The following ATAD2 variants were observed in gnomAD, a reference collection of about 807,000 sequenced individuals.
ATAD2 encodes the protein ATPase family AAA domain containing 2, also known as ATPase family AAA domain-containing protein 2.
Under a neutral mutation model 168.9 loss-of-function variants are expected in ATAD2, and 62 were observed. The observed-to-expected ratio is 0.37, with a 90% CI of 0.30 to 0.45. The LOEUF is 0.45. ATAD2 is among the 20% of genes least tolerant of loss of function. ATAD2 has a pLI of 1.00. For synonymous variants in ATAD2, 613 were observed against 571.6 expected, an observed-to-expected ratio of 1.07 and a Z score of -1.03; for missense variants, 1,419 against 1,667.8, an observed-to-expected ratio of 0.85 and a Z score of 2.60.
At chr8:123,410,280 ATTATTTATTTAT>A (rs544452071) in intron 1 of ATAD2, among the ~76,000 whole-genome samples, 2 of 151,642 alleles carry the variant, frequency 1.3e-5, no homozygotes, top group Admixed American at 1.3e-4. Flanking sequence ...GTAGGATCAT[ATTATTTATTTAT>A]TTATTTATTT....
rs1828236558 is a variant in ATAD2 at position 123,346,196 on chromosome 8, G to A, written c.2422C>T (p.His808Tyr). Residue 808 changes from histidine to tyrosine, a missense_variant, in exon 18 of 28, where the codon CAC becomes TAC. His to Tyr is a moderately conservative substitution (Grantham distance 83). This residue lies in a region of ATAD2 where 545 missense variants were observed against 724.9 expected (regional missense o/e 0.75). Transcript: ENST00000287394. Reference sequence around the variant, plus strand: ...GCATGAATGACAGCTGGTGCCAAGTGAGAACCTTGCCCAAATCCTGGTTCT... The same window carrying A: ...GCATGAATGACAGCTGGTGCCAAGTAAGAACCTTGCCCAAATCCTGGTTCT... ...VGEPGFGQGS[H>Y]LAPAVIHALE... 3 of 1,613,288 alleles carry A rather than the reference G, an allele frequency of 1.9e-6. No individual in the cohort carries two copies. The highest frequency in any genetic ancestry group is 2.5e-6 in the Non-Finnish European group (3 of 1,179,676).
At chr8:123,400,801 G>A (rs1812985897), upstream of ATAD2, 2 of 941,142 alleles carry the variant, frequency 2.1e-6, no homozygotes, top group Non-Finnish European at 3.5e-6. The surrounding 1 kb of genome is among the most constrained non-coding windows in gnomAD (Gnocchi z 4.5). Context: ...TGTGACAGAG[G>A]GCAACATGGC....
intron 1 of ATAD2, among the ~76,000 whole-genome samples, chr8:123,406,933 A>ATT (rs1813076115): frequency 6.6e-5 from 10 of 152,110 alleles, no homozygotes; most frequent in Admixed American, 6.6e-4. Context: ...TCTGATTTGG[A>ATT]AATAGGATCT....
Position 123,401,947 on chromosome 8 carries a change from A to G in ATAD2, c.-2281-772T>C, listed in dbSNP as rs1166565924. On this transcript the variant is annotated intron_variant, in intron 1 of 28. Transcript: ENST00000521903. ...TTCAGAAGTTTGTGCCCTACCTCAT[A>G]GTGGGCATCCAGCATGGCTGCCAGG... The G allele has an allele frequency of 3.5e-5, 29 of 830,446 alleles. No individual in the cohort carries two copies. The Admixed American group carries it at 3.6e-4, about 10-fold the overall frequency. 51.4% of individuals were successfully genotyped at this position (830,446 alleles called of 1,614,324 possible). A position where few individuals can be genotyped will look rare whatever the true frequency, so the allele number is the denominator to read the frequency against.
rs528861654 is a variant in ATAD2 at position 123,359,632 on chromosome 8, C to T, written c.1211G>A (p.Arg404Gln). The T allele has an allele frequency of 2.2e-5, 36 of 1,613,084 alleles. No individual in the cohort carries two copies. The highest frequency in any genetic ancestry group is 1.7e-4 in the Middle Eastern group (1 of 6,058). The change falls in exon 10 of 28, where the codon CGA (arginine) becomes CAA (glutamine). Residue 404 changes from arginine (R) to glutamine (Q), a missense_variant. Arg to Gln is a conservative substitution (Grantham distance 43, BLOSUM62 1). Transcript: ENST00000287394. ...KDELKGIYKDRMKIGASLADV... is the reference protein window; with the variant it reads ...KDELKGIYKDQMKIGASLADV... ...GGCAAGGCTTGCTCCAATTTTCATT[C>T]GATCTTTATAAATGCCTTTTAATTC...
At chr8:123,393,311 G>A (rs147824395) in intron 1 of ATAD2, among the ~76,000 whole-genome samples, 3,513 of 152,060 alleles carry the variant, frequency 0.023, 143 homozygotes, top group African/African-American at 0.081. Context: ...AGGAGTTCGA[G>A]ACCAGCCTGA....
intron 8 of ATAD2, among the ~76,000 whole-genome samples, chr8:123,365,342 C>T (rs184733149): frequency 5.3e-5 from 8 of 152,144 alleles, no homozygotes; most frequent in East Asian, 3.9e-4. Context: ...ATTGTGGAAA[C>T]GACCATATTG....
Position 123,339,449 on chromosome 8 carries a change from T to TA in ATAD2, c.2719-4dup. On this transcript the variant is annotated splice_polypyrimidine_tract_variant and splice_region_variant and intron_variant, in intron 19 of 27. Coordinates refer to ENST00000287394, the MANE Select transcript of ATAD2 (RefSeq NM_014109.4). ...TCACGGATAAACAATTCTTGCACCTTAAAAAAGAAAATAAATGCAATATAT... is the reference window on the plus strand; with the variant it reads ...TCACGGATAAACAATTCTTGCACCTTAAAAAAAGAAAATAAATGCAATATAT... 6.4e-7 allele frequency: 1 copy of TA among 1,574,334 alleles called. No homozygotes were observed. Among genetic ancestry groups the TA allele is most frequent in the Non-Finnish European group, 8.6e-7 (1 of 1,159,644 alleles).
At chr8:123,354,887 A>ATG in intron 13 of ATAD2, among the ~76,000 whole-genome samples, 1 of 116,168 alleles carries the variant, frequency 8.6e-6, no homozygotes, top group Admixed American at 9.2e-5. Flanking sequence ...ATATATATAT[A>ATG]TTTGAGATGG....
At chr8:123,371,568 G>C in intron 4 of ATAD2, 102 bp downstream of exon 4, 1 of 1,054,032 alleles carries the variant, frequency 9.5e-7, no homozygotes, top group South Asian at 1.7e-5. Flanking sequence ...GCTTTACGTA[G>C]TAGAATGCAT....
Position 123,370,952 on chromosome 8 carries a change from ATCTT to A in ATAD2, c.674_677del (p.Lys225IlefsTer123), listed in dbSNP as rs1829133289. 2.5e-6 allele frequency: 4 copies of A among 1,607,778 alleles called. No homozygotes were observed. Among genetic ancestry groups the A allele is most frequent in the Admixed American group, 3.4e-5 (2 of 59,228 alleles). On this transcript the variant is annotated frameshift_variant, in exon 6 of 28. Coordinates refer to ENST00000287394, the MANE Select transcript of ATAD2 (RefSeq NM_014109.4). LOFTEE classifies it high-confidence loss of function. ...TTGTTTCTTCATCAGTTCTTTGAATATCTTTCTGTTTTCCTCTTGTGTACATATT... is the reference window on the plus strand; with the variant it reads ...TTGTTTCTTCATCAGTTCTTTGAATATCTGTTTTCCTCTTGTGTACATATT...
At chr8:123,353,357 C>T (rs886310806) in intron 13 of ATAD2, among the ~76,000 whole-genome samples, 1 of 152,016 alleles carries the variant, frequency 6.6e-6, no homozygotes, top group Non-Finnish European at 1.5e-5. Context: ...GAGTGAGACT[C>T]TGTCACAAAA....
At chr8:123,346,064 T>C (rs780601907) in intron 18 of ATAD2, 22 bp downstream of exon 18, 8 of 1,475,132 alleles carry the variant, frequency 5.4e-6, no homozygotes, top group Non-Finnish European at 6.3e-6. Flanking sequence ...TTTTGTCTTA[T>C]ACTTGGGCAC....
chr8:123,395,052 G>A (rs1273874129), intron 1 of ATAD2, among the ~76,000 whole-genome samples: 1 of 152,066 alleles, frequency 6.6e-6, no homozygotes, highest in African/African-American at 2.4e-5. Flanking sequence ...CCCTGAAATC[G>A]TCTGCTGAAC....
At chr8:123,357,243 A>G (rs920522666) in intron 12 of ATAD2, among the ~76,000 whole-genome samples, 5 of 152,188 alleles carry the variant, frequency 3.3e-5, no homozygotes, top group African/African-American at 1.2e-4. Flanking sequence ...CAGGGCAGAA[A>G]TAGTCTTTAA....
At chr8:123,355,605 A>G (rs1381984014) in intron 13 of ATAD2, among the ~76,000 whole-genome samples, 1 of 152,190 alleles carries the variant, frequency 6.6e-6, no homozygotes, top group Non-Finnish European at 1.5e-5. Flanking sequence ...GATTTTGTTT[A>G]GCGCAGGCAA....
At chr8:123,370,147 A>AC (rs1829108024) in intron 6 of ATAD2, 123 bp from the exon 7 acceptor site, 1 of 877,112 alleles carries the variant, frequency 1.1e-6, no homozygotes, top group Non-Finnish European at 1.7e-6. Context: ...AAAAAAAAAA[A>AC]AACAACAAAA....
chr8:123,347,151 T>C lies in ATAD2; in HGVS notation c.2153A>G (p.Glu718Gly). ...LLQNTVDKIL[E>G]ALQRVFPHAE... ...ATGTGGAAATACTCTCTGCAGGGCTTCTAAAATCTTGTCAACAGTGTTTTG... is the reference window on the plus strand; with the variant it reads ...ATGTGGAAATACTCTCTGCAGGGCTCCTAAAATCTTGTCAACAGTGTTTTG... The change falls in exon 16 of 28, where the codon GAA becomes GGA. Residue 718 changes from glutamate to glycine, a missense_variant. Transcript: ENST00000287394. 3 of 1,614,236 alleles carry C rather than the reference T, an allele frequency of 1.9e-6. No individual in the cohort carries two copies. The highest frequency in any genetic ancestry group is 2.5e-6 in the Non-Finnish European group (3 of 1,180,038).
chr8:123,362,031 G>T (rs868126841), intron 8 of ATAD2, among the ~76,000 whole-genome samples: 2 of 152,212 alleles, frequency 1.3e-5, no homozygotes, highest in East Asian at 3.9e-4. Context: ...AGGAGACCGA[G>T]GGGGAAGGAT....
Sources: gnomAD v4.1 joint callset for allele counts (sites outside exome capture counted in the v4.1 genomes callset) on GRCh38, gnomAD v4.1.1 for gene constraint, gnomAD v4.1.1 regional missense constraint, Gnocchi (gnomAD v3.1) non-coding constraint, MANE v1.5 for transcripts, NCBI Gene and HGNC (gene_info 2026-07-23, HGNC 2026-07-21) for gene names.